Variants in DLGAP2 observed in about 807,000 individuals in gnomAD.
DLGAP2 encodes the protein disks large-associated protein 2.
DLGAP2 carries 26 observed loss-of-function variants against 100.3 expected under a neutral mutation model. The observed-to-expected ratio is 0.26, with a 90% CI of 0.19 to 0.36. The LOEUF is 0.36. Among genes scored for constraint, DLGAP2 ranks in the 10% least tolerant of loss-of-function variants. DLGAP2 has a pLI of 1.00. For synonymous variants in DLGAP2, 886 were observed against 630.1 expected (o/e 1.41, Z -6.08); for missense variants, 1,858 against 1,453.2 (o/e 1.28, Z -4.53).
intron 2 of DLGAP2, among the ~76,000 whole-genome samples, chr8:1,094,744 C>T (rs1281499129): frequency 3.3e-5 from 5 of 152,242 alleles, no homozygotes; most frequent in Admixed American, 2.6e-4. Flanking sequence ...CCCTCTTTCT[C>T]TGGACCCAGC....
At chr8:1,130,553 C>G (rs891387356) in intron 2 of DLGAP2, among the ~76,000 whole-genome samples, 1 of 152,128 alleles carries the variant, frequency 6.6e-6, no homozygotes, top group Non-Finnish European at 1.5e-5. Flanking sequence ...AAGCAGATGC[C>G]GCGTTTTCTG....
At chr8:1,175,352 A>G (rs1797231111) in intron 2 of DLGAP2, among the ~76,000 whole-genome samples, 1 of 152,232 alleles carries the variant, frequency 6.6e-6, no homozygotes, top group African/African-American at 2.4e-5. Context: ...TCTGTAGCAC[A>G]TCTAATCTAA....
At chr8:1,234,048 TG>T in intron 2 of DLGAP2, among the ~76,000 whole-genome samples, 1 of 152,176 alleles carries the variant, frequency 6.6e-6, no homozygotes, top group South Asian at 2.1e-4. Context: ...AAGGCCCAGG[TG>T]AATACCTAAC....
At position 1,673,611 on chromosome 8, in the gene DLGAP2, T is replaced by A. The variant is rs1322632590; in HGVS notation, c.2203-2922T>A. Among the ~76,000 whole-genome samples the A allele has an allele frequency of 2.6e-5, 4 of 152,206 alleles. No homozygotes were observed. In the East Asian group the frequency reaches 7.7e-4, roughly 29 times the overall value. ...CACGTGACCGTCCTTAAAGCTGGGA[T>A]GAGAGAACAGGGAATTTGCATTTGC... On this transcript the variant is annotated intron_variant, in intron 10 of 14. Transcript: ENST00000637795.
chr8:1,545,862 T>C (rs1163411291), intron 4 of DLGAP2, among the ~76,000 whole-genome samples: 1 of 152,202 alleles, frequency 6.6e-6, no homozygotes, highest in Non-Finnish European at 1.5e-5. Context: ...GCTTCTAGGC[T>C]AAACATTAGG....
intron 2 of DLGAP2, among the ~76,000 whole-genome samples, chr8:1,181,708 C>T (rs1309985475): frequency 2.6e-5 from 4 of 152,286 alleles, no homozygotes; most frequent in Non-Finnish European, 5.9e-5. Context: ...AATGAACAAA[C>T]GATGGGAAGA....
intron 2 of DLGAP2, among the ~76,000 whole-genome samples, chr8:1,065,453 A>G (rs1000539062): frequency 1.3e-5 from 2 of 152,210 alleles, no homozygotes; most frequent in Non-Finnish European, 2.9e-5. Flanking sequence ...GCACATATTC[A>G]TGCTGGAGTC....
chr8:1,595,722 G>C (rs929764101), intron 6 of DLGAP2, among the ~76,000 whole-genome samples: 1 of 150,346 alleles, frequency 6.7e-6, no homozygotes, highest in Non-Finnish European at 1.5e-5. Flanking sequence ...CCCCCAGCGA[G>C]CTCCCCACCC....
intron 3 of DLGAP2, among the ~76,000 whole-genome samples, chr8:1,351,293 C>A (rs376196034): frequency 1.6e-4 from 11 of 70,326 alleles, no homozygotes; most frequent in African/African-American, 1.6e-4. Context: ...TGTGGAAAGG[C>A]CGTGCGGGTC....
intron 2 of DLGAP2, among the ~76,000 whole-genome samples, chr8:1,160,040 G>C (rs1322012118): frequency 6.6e-6 from 1 of 152,182 alleles, no homozygotes; most frequent in East Asian, 1.9e-4. Flanking sequence ...GATGACCGTC[G>C]TCGTAAACTG....
intron 2 of DLGAP2, among the ~76,000 whole-genome samples, chr8:1,021,856 G>A (rs1014194236): frequency 4.6e-5 from 7 of 152,096 alleles, no homozygotes; most frequent in Non-Finnish European, 7.4e-5. Flanking sequence ...TGCCTGTGAC[G>A]TGTTCCTCTC....
At chr8:1,552,351 C>T (rs1459917711) in intron 5 of DLGAP2, among the ~76,000 whole-genome samples, 14 of 152,334 alleles carry the variant, frequency 9.2e-5, no homozygotes, top group East Asian at 5.8e-4. Flanking sequence ...CCAGTGAAAC[C>T]ACCTCTTCGG....
intron 2 of DLGAP2, among the ~76,000 whole-genome samples, chr8:1,201,716 A>G (rs1018773521): frequency 1.3e-5 from 2 of 152,126 alleles, no homozygotes; most frequent in Admixed American, 6.5e-5. Flanking sequence ...ATGGAGCTTG[A>G]CCCAGAGCAC....
intron 2 of DLGAP2, among the ~76,000 whole-genome samples, chr8:1,214,074 G>C (rs570439175): frequency 1.2e-4 from 19 of 152,188 alleles, no homozygotes; most frequent in Admixed American, 3.9e-4. Context: ...TGGTTGCCAG[G>C]CTCCTCCCAG....
At chr8:798,718 C>G (rs1796087142) in intron 1 of DLGAP2, among the ~76,000 whole-genome samples, 1 of 135,524 alleles carries the variant, frequency 7.4e-6, no homozygotes, top group Admixed American at 7.3e-5. Flanking sequence ...CGGCGCTGGC[C>G]AGGTGATGGG....
intron 8 of DLGAP2, among the ~76,000 whole-genome samples, chr8:1,638,799 G>A (rs187465360): frequency 6.6e-6 from 1 of 152,340 alleles, no homozygotes; most frequent in Non-Finnish European, 1.5e-5. Flanking sequence ...GAGTCCAGGA[G>A]GAGAGGCCGT....
At chr8:1,268,636 C>T (rs1293751419) in intron 3 of DLGAP2, among the ~76,000 whole-genome samples, 1 of 152,204 alleles carries the variant, frequency 6.6e-6, no homozygotes, top group Non-Finnish European at 1.5e-5. Flanking sequence ...GAATTCTTAT[C>T]ATCTTCCTTA....
chr8:1,182,068 G>A (rs1165945070), intron 2 of DLGAP2, among the ~76,000 whole-genome samples: 1 of 152,250 alleles, frequency 6.6e-6, no homozygotes, highest in Non-Finnish European at 1.5e-5. Flanking sequence ...CCATGTGCCT[G>A]ATAGATGGGT....
At chr8:938,980 CCT>C (rs1343446838) in intron 2 of DLGAP2, among the ~76,000 whole-genome samples, 4 of 152,252 alleles carry the variant, frequency 2.6e-5, no homozygotes, top group African/African-American at 9.6e-5. Context: ...TGTTCAGAAA[CCT>C]CTGCAGGCAA....
Sources: gnomAD v4.1 joint callset for allele counts (sites outside exome capture counted in the v4.1 genomes callset) on GRCh38, gnomAD v4.1.1 for gene constraint, MANE v1.5 for transcripts, NCBI Gene and HGNC (gene_info 2026-07-23, HGNC 2026-07-21) for gene names.